Variants in GMDS observed in about 807,000 individuals in gnomAD.
The protein encoded by GMDS is GDP-mannose 4,6-dehydratase, also known as GDP-mannose 4,6 dehydratase.
GMDS carries 20 observed loss-of-function variants against 49.9 expected under a neutral mutation model. That is an observed-to-expected ratio of 0.40 (90% CI 0.28 to 0.58). GMDS has a LOEUF of 0.58. Among genes scored for constraint, GMDS ranks in the 20% least tolerant of loss-of-function variants. The probability of loss-of-function intolerance (pLI) is 0.42; values close to 1 mark genes in which losing one functional copy is unlikely to be tolerated. For missense variants in GMDS, 362 were observed against 481.4 expected (o/e 0.75, Z 2.32); for synonymous variants, 177 against 178.6 (o/e 0.99, Z 0.07).
chr6:1,819,539 T>G (rs1226755710), intron 7 of GMDS, among the ~76,000 whole-genome samples: 3 of 151,982 alleles, frequency 2.0e-5, no homozygotes, highest in African/African-American at 7.2e-5. Flanking sequence ...GGTGGGTGGA[T>G]CACTTGAGGT....
intron 7 of GMDS, among the ~76,000 whole-genome samples, chr6:1,872,882 C>T (rs1206377757): frequency 6.6e-6 from 1 of 152,268 alleles, no homozygotes; most frequent in Non-Finnish European, 1.5e-5. Context: ...CAGCTGTTTA[C>T]AAGTTTTCAG....
At chr6:2,009,305 T>C (rs1157616515) in intron 4 of GMDS, among the ~76,000 whole-genome samples, 2 of 152,218 alleles carry the variant, frequency 1.3e-5, no homozygotes, top group Non-Finnish European at 2.9e-5. Flanking sequence ...TTTAGGTGAC[T>C]TTTTATACAG....
chr6:2,032,857 C>G (rs1769056063), intron 4 of GMDS, among the ~76,000 whole-genome samples: 1 of 152,148 alleles, frequency 6.6e-6, no homozygotes. Flanking sequence ...AGATACAATA[C>G]AGTTCCTCTT....
chr6:1,907,401 A>T (rs897934957), intron 7 of GMDS, among the ~76,000 whole-genome samples: 6 of 152,192 alleles, frequency 3.9e-5, no homozygotes, highest in African/African-American at 1.4e-4. Context: ...AGATACTGAG[A>T]CCTCTGAATA....
At chr6:1,664,898 T>A (rs762825702) in intron 9 of GMDS, among the ~76,000 whole-genome samples, 24 of 152,166 alleles carry the variant, frequency 1.6e-4, no homozygotes, top group Admixed American at 3.3e-4. Flanking sequence ...AATGAACATA[T>A]TCACGTCACT....
chr6:2,149,105 C>T (rs749497645), intron 1 of GMDS, among the ~76,000 whole-genome samples: 8 of 151,940 alleles, frequency 5.3e-5, no homozygotes, highest in East Asian at 1.9e-4. Flanking sequence ...TAAAAATAGA[C>T]GCACATAACA....
chr6:2,024,699 A>C (rs1458636484), intron 4 of GMDS, among the ~76,000 whole-genome samples: 1 of 152,088 alleles, frequency 6.6e-6, no homozygotes, highest in African/African-American at 2.4e-5. Context: ...AAAAGCAAGA[A>C]AGAAAAGAGA....
At chr6:1,922,847 A>G (rs1341868175) in intron 7 of GMDS, among the ~76,000 whole-genome samples, 2 of 152,278 alleles carry the variant, frequency 1.3e-5, no homozygotes, top group East Asian at 3.9e-4. Context: ...AAAATCCTCC[A>G]CTAATACAGT....
At chr6:2,108,689 T>C (rs547441944) in intron 4 of GMDS, among the ~76,000 whole-genome samples, 5 of 152,304 alleles carry the variant, frequency 3.3e-5, no homozygotes, top group African/African-American at 9.6e-5. Flanking sequence ...AGGTCCGATA[T>C]AAAGTATCAG....
chr6:1,625,569 C>T (rs2745608), intron 9 of GMDS: 37,122 of 152,032 alleles, frequency 0.24, 7,692 homozygotes, highest in African/African-American at 0.57. Flanking sequence ...AGAAAACCAG[C>T]GGAGAAGAAC....
At chr6:1,695,765 G>A (rs142586748) in intron 9 of GMDS, among the ~76,000 whole-genome samples, 59 of 152,202 alleles carry the variant, frequency 3.9e-4, no homozygotes, top group Middle Eastern at 6.8e-3. Flanking sequence ...AGAGTCCCAC[G>A]TGTTCTTTTC....
intron 7 of GMDS, among the ~76,000 whole-genome samples, chr6:1,909,103 C>A (rs918777132): frequency 6.6e-6 from 1 of 152,198 alleles, no homozygotes; most frequent in African/African-American, 2.4e-5. Context: ...ATTTGTATTG[C>A]TGCCACTAGG....
chr6:1,952,132 G>GA (rs36014848), intron 6 of GMDS: 4 of 277,086 alleles, frequency 1.4e-5, no homozygotes, highest in Non-Finnish European at 2.2e-5. Context: ...CCTCATTGCT[G>GA]AAAAAAGGGA....
At chr6:1,636,927 G>A (rs1019664878) in intron 9 of GMDS, among the ~76,000 whole-genome samples, 10 of 152,196 alleles carry the variant, frequency 6.6e-5, no homozygotes, top group South Asian at 2.1e-4. Context: ...ACGGGGGATC[G>A]CTGGGACCGG....
rs181958875 is a variant in GMDS at position 1,692,994 on chromosome 6, A to G, written c.987+33422T>C. 2.2e-3 allele frequency among the ~76,000 whole-genome samples: 330 copies of G among 152,326 alleles called. 1 individual carries two copies. Among genetic ancestry groups the G allele is most frequent in the African/African-American group, 7.7e-3 (321 of 41,568 alleles). ...AGTAGATATTTTTGTATTCCTGTAC[A>G]TACTCTTGAACTTCGTTTCTGGGAC... On this transcript the variant is annotated intron_variant, in intron 9 of 10. Coordinates refer to ENST00000380815, the MANE Select transcript of GMDS (RefSeq NM_001500.4).
rs552756682 is a variant in GMDS, at chr6:2,209,999, T to C, written c.102+35322A>G. 3.2e-4 allele frequency among the ~76,000 whole-genome samples: 48 copies of C among 152,326 alleles called. No individual in the cohort carries two copies. The East Asian group carries it at 8.5e-3, about 27-fold the overall frequency. ...ACATATAGAAAGGTGATATATTCTG[T>C]TGTATGTAATTAGTGAAAAAGATAA... On this transcript the variant is annotated intron_variant, in intron 1 of 10. Transcript: ENST00000380815.
chr6:2,113,549 ATAT>A (rs1370696488), intron 4 of GMDS, among the ~76,000 whole-genome samples: 1 of 151,712 alleles, frequency 6.6e-6, no homozygotes. Flanking sequence ...TCTTTGCCTC[ATAT>A]TATTACCCCC....
At chr6:2,056,354 T>C (rs552825874) in intron 4 of GMDS, among the ~76,000 whole-genome samples, 1 of 152,312 alleles carries the variant, frequency 6.6e-6, no homozygotes, top group East Asian at 1.9e-4. Context: ...GTTTCAGAGC[T>C]CTTGCTATTA....
At chr6:1,761,059 A>G (rs942109244) in intron 7 of GMDS, among the ~76,000 whole-genome samples, 1 of 152,138 alleles carries the variant, frequency 6.6e-6, no homozygotes, top group African/African-American at 2.4e-5. Context: ...TACTACATAC[A>G]TGCAAAGAGT....
Sources: gnomAD v4.1 joint callset for allele counts (sites outside exome capture counted in the v4.1 genomes callset) on GRCh38, gnomAD v4.1.1 for gene constraint, MANE v1.5 for transcripts, NCBI Gene and HGNC (gene_info 2026-07-23, HGNC 2026-07-21) for gene names.